PCDHGA8: variants seen among roughly 807,000 people sequenced by gnomAD.
The protein encoded by PCDHGA8 is protocadherin gamma subfamily A, 8.
A neutral mutation model predicts 59.2 loss-of-function variants in PCDHGA8; 45 were observed. The observed-to-expected ratio is 0.76, with a 90% CI of 0.60 to 0.98. PCDHGA8 has a LOEUF of 0.98. Among genes scored for constraint, PCDHGA8 ranks in the 50% least tolerant of loss-of-function variants. PCDHGA8 has a pLI of 0.00. For synonymous variants in PCDHGA8, 531 were observed against 519.0 expected, an observed-to-expected ratio of 1.02 and a Z score of -0.32; for missense variants, 1,257 against 1,196.2, an observed-to-expected ratio of 1.05 and a Z score of -0.75.
chr5:141,488,565 C>A (rs1308485284), intron 1 of PCDHGA8, among the ~76,000 whole-genome samples: 1 of 152,174 alleles, frequency 6.6e-6, no homozygotes, highest in Non-Finnish European at 1.5e-5. Flanking sequence ...GAGATTTCCG[C>A]AAAGCATTGC....
In PCDHGA8 at chr5:141,432,986, G is replaced by A. The variant is rs2097557714; in HGVS notation, c.2424+37749G>A. ...AGCGCCGGCGTCGCACTTTGTGGGC[G>A]TGGACGGGGTGCAGGCTTTCCTGCA... On this transcript the variant is annotated intron_variant, in intron 1 of 3. Transcript: ENST00000398604. This position sits in a 1 kb window ranked among gnomAD's most constrained non-coding sequence, Gnocchi z 6.0. 6 of 1,614,258 alleles carry A rather than the reference G, an allele frequency of 3.7e-6. No individual in the cohort carries two copies. In the Middle Eastern group the frequency reaches 4.9e-4, roughly 133 times the overall value.
At position 141,491,645 on chromosome 5, in the gene PCDHGA8, C is replaced by T; in HGVS notation, c.2425-3162C>T. On this transcript the variant is annotated intron_variant, in intron 1 of 3. Transcript: ENST00000398604. The surrounding 1 kb of genome is among the most constrained non-coding windows in gnomAD (Gnocchi z 6.9). ...AGCGTTCAGCAGCCCACAGCTCTGG[C>T]GCTGGAGCCTGACGCCATCCGGTCC... 1.2e-6 allele frequency: 2 copies of T among 1,613,890 alleles called. No homozygotes were observed. Among genetic ancestry groups the T allele is most frequent in the African/African-American group, 1.3e-5 (1 of 75,082 alleles).
chr5:141,432,250 A>T lies in PCDHGA8; in HGVS notation c.2424+37013A>T. ...ATTCCCTGGCTGAGAACACCATCCA[A>T]GGGGCAAGCCTATCGTCCTACGTGT... is the stretch of plus-strand genomic sequence containing the variant. On this transcript the variant is annotated intron_variant, in intron 1 of 3. Transcript: ENST00000398604. This position sits in a 1 kb window ranked among gnomAD's most constrained non-coding sequence, Gnocchi z 6.0. 1 of 1,614,234 alleles carries T rather than the reference A, an allele frequency of 6.2e-7. No homozygotes were observed. Among genetic ancestry groups the T allele is most frequent in the Non-Finnish European group, 8.5e-7 (1 of 1,180,054 alleles).
intron 1 of PCDHGA8, chr5:141,417,831 C>T: frequency 5.2e-6 from 8 of 1,526,966 alleles, no homozygotes; most frequent in Non-Finnish European, 7.1e-6. Flanking sequence ...ACTGGAAAAG[C>T]GGGGACCCAG....
chr5:141,474,847 GCCTTCT>G (rs906863967), intron 1 of PCDHGA8, among the ~76,000 whole-genome samples: 3 of 152,198 alleles, frequency 2.0e-5, no homozygotes, highest in African/African-American at 7.2e-5. Context: ...CACTTTACCT[GCCTTCT>G]TCATTTAATA....
intron 2 of PCDHGA8, among the ~76,000 whole-genome samples, chr5:141,501,983 C>G (rs957901405): frequency 6.6e-6 from 1 of 152,068 alleles, no homozygotes; most frequent in Non-Finnish European, 1.5e-5. Flanking sequence ...CATCTGGTCC[C>G]GTTGTCTCCC....
intron 1 of PCDHGA8, chr5:141,398,887 A>T: frequency 6.2e-7 from 1 of 1,613,976 alleles, no homozygotes; most frequent in Non-Finnish European, 8.5e-7. Context: ...CCTTCGGGAA[A>T]ACGTGCCACC....
At position 141,394,297 on chromosome 5, in the gene PCDHGA8, C is replaced by T. The variant is rs375160983; in HGVS notation, c.1484C>T (p.Thr495Met). 8.1e-6 allele frequency: 13 copies of T among 1,613,872 alleles called. No homozygotes were observed. Among genetic ancestry groups the T allele is most frequent in the African/African-American group, 1.3e-5 (1 of 74,926 alleles). ...GTCACTTACTCTGTGACCGAGGACA[C>T]GCTGCAGGGGGCGCCCCTGTCCTCG... ...AQVTYSVTEDTLQGAPLSSYI... is the reference protein window; with the variant it reads ...AQVTYSVTEDMLQGAPLSSYI... The change falls in exon 1 of 4, where the codon ACG becomes ATG. Residue 495 changes from threonine (T) to methionine (M), a missense_variant. By Grantham distance (81) the Thr-to-Met change is moderately conservative. Coordinates refer to ENST00000398604, the MANE Select transcript of PCDHGA8 (RefSeq NM_032088.2).
chr5:141,416,306 G>A (rs1186519939), intron 1 of PCDHGA8: 1 of 152,186 alleles, frequency 6.6e-6, no homozygotes, highest in Non-Finnish European at 1.5e-5. Flanking sequence ...CTATGTGGAA[G>A]ATATAGCATT....
chr5:141,393,534 G>T lies in PCDHGA8; in HGVS notation c.721G>T (p.Val241Phe). The change falls in exon 1 of 4, where the codon GTT becomes TTT. Residue 241 changes from valine to phenylalanine, a missense_variant. Val to Phe is a conservative substitution (Grantham distance 50). Coordinates refer to ENST00000398604, the MANE Select transcript of PCDHGA8 (RefSeq NM_032088.2). ...GTTGGATACAAATGACAATGCCCCGGTTTTTCCTCACCCGATTTACCGAGT... is the reference window on the plus strand; with the variant it reads ...GTTGGATACAAATGACAATGCCCCGTTTTTTCCTCACCCGATTTACCGAGT... ...TVLDTNDNAP[V>F]FPHPIYRVKV... is the part of the protein sequence containing the mutation. The T allele has an allele frequency of 6.2e-7, 1 of 1,613,928 alleles. No individual in the cohort carries two copies. The highest frequency in any genetic ancestry group is 8.5e-7 in the Non-Finnish European group (1 of 1,179,894).
At position 141,394,739 on chromosome 5, in the gene PCDHGA8, C is replaced by T. The variant is rs377359689; in HGVS notation, c.1926C>T (p.Leu642=). ...ACAGAGATGCGCTCAAGCAGAGCCT[C>T]GTGGTGGCCGTCCAGGACCATGGCC... The part of the protein sequence containing the change: ...LLDRDALKQS[L]VVAVQDHGQP... The change falls in exon 1 of 4, where the codon CTC becomes CTT. Residue 642 remains leucine (L), a synonymous_variant. Transcript: ENST00000398604. 2.5e-6 allele frequency: 4 copies of T among 1,613,390 alleles called. No homozygotes were observed. The highest frequency in any genetic ancestry group is 3.4e-6 in the Non-Finnish European group (4 of 1,179,970).
At chr5:141,496,412 T>C (rs1322376676) in intron 2 of PCDHGA8, among the ~76,000 whole-genome samples, 1 of 152,180 alleles carries the variant, frequency 6.6e-6, no homozygotes, top group African/African-American at 2.4e-5. Context: ...GGTTGAGTAC[T>C]TGCTGTCCAC....
At chr5:141,411,890 G>T (rs2095521758) in intron 1 of PCDHGA8, 1 of 152,148 alleles carries the variant, frequency 6.6e-6, no homozygotes, top group South Asian at 2.1e-4. Context: ...AGAAATAAAT[G>T]AAATACTATT....
chr5:141,430,919 C>T, intron 1 of PCDHGA8: 1 of 1,607,610 alleles, frequency 6.2e-7, no homozygotes, highest in Non-Finnish European at 8.5e-7. Context: ...GGACCTGGGG[C>T]TGGAGCCCCG....
At position 141,395,041 on chromosome 5, in the gene PCDHGA8, T is replaced by C. The variant is rs2093154278; in HGVS notation, c.2228T>C (p.Val743Ala). ...GTGCCTGCCTCACATTTTGTGGGTG[T>C]TGAGGAGGTACAGGCTTTCCTGCAG... ...VGVPASHFVG[V>A]EEVQAFLQTY... Residue 743 changes from valine to alanine, a missense_variant, in exon 1 of 4, where the codon GTT becomes GCT. Physicochemically the swap from Val to Ala is moderately conservative, Grantham distance 64. Coordinates refer to ENST00000398604, the MANE Select transcript of PCDHGA8 (RefSeq NM_032088.2). The C allele has an allele frequency of 6.2e-7, 1 of 1,613,994 alleles. No homozygotes were observed. Among genetic ancestry groups the C allele is most frequent in the South Asian group, 1.1e-5 (1 of 91,082 alleles).
chr5:141,432,746 G>T lies in PCDHGA8; in HGVS notation c.2424+37509G>T, dbSNP rs772043134. The T allele has an allele frequency of 6.2e-7, 1 of 1,614,098 alleles. No individual in the cohort carries two copies. Among genetic ancestry groups the T allele is most frequent in the Non-Finnish European group, 8.5e-7 (1 of 1,179,992 alleles). Reference sequence around the variant, plus strand: ...CTCCGCCACTGTCACGCTCACCGTGGCCGTGGCCGACAGCATCCCCCAAGT... The same window carrying T: ...CTCCGCCACTGTCACGCTCACCGTGTCCGTGGCCGACAGCATCCCCCAAGT... On this transcript the variant is annotated intron_variant, in intron 1 of 3. Transcript: ENST00000398604. This position sits in a 1 kb window ranked among gnomAD's most constrained non-coding sequence, Gnocchi z 6.0.
chr5:141,457,020 C>A (rs2098903789), intron 1 of PCDHGA8, among the ~76,000 whole-genome samples: 1 of 152,086 alleles, frequency 6.6e-6, no homozygotes, highest in Non-Finnish European at 1.5e-5. Flanking sequence ...AATAAAAAGT[C>A]CTAGTAGACT....
chr5:141,433,208 C>CTTTT, intron 1 of PCDHGA8: 1 of 1,293,074 alleles, frequency 7.7e-7, no homozygotes, highest in African/African-American at 1.5e-5. Flanking sequence ...AATCTTCTTT[C>CTTTT]TTTTTTTTTT....
At chr5:141,438,282 T>C (rs915347472) in intron 1 of PCDHGA8, among the ~76,000 whole-genome samples, 1 of 151,630 alleles carries the variant, frequency 6.6e-6, no homozygotes, top group African/African-American at 2.4e-5. Context: ...CAAAATAATT[T>C]AATCTGTATG....
Sources: allele counts gnomAD v4.1 joint callset (sites outside exome capture counted in the v4.1 genomes callset), GRCh38; gene constraint gnomAD v4.1.1; non-coding constraint Gnocchi (gnomAD v3.1); transcripts MANE v1.5; gene names NCBI Gene and HGNC (gene_info 2026-07-23, HGNC 2026-07-21).